The following PCDHA6 variants were observed in gnomAD, a reference collection of about 807,000 sequenced individuals.
PCDHA6 encodes the protein protocadherin alpha-6.
In PCDHA6, 55 loss-of-function variants were observed where a neutral mutation model predicts 60.3. The observed-to-expected ratio is 0.91, with a 90% CI of 0.73 to 1.14. PCDHA6 has a LOEUF of 1.14. Among genes scored for constraint, PCDHA6 ranks in the 50% most tolerant of loss-of-function variants. The probability of loss-of-function intolerance (pLI) is 0.00; values close to 1 mark genes in which losing one functional copy is unlikely to be tolerated. For missense variants in PCDHA6, 1,327 were observed against 1,256.5 expected (o/e 1.06, Z -0.85); for synonymous variants, 652 against 557.9 (o/e 1.17, Z -2.38).
At chr5:140,993,407 C>T (rs2097554546) in intron 3 of PCDHA6, among the ~76,000 whole-genome samples, 1 of 151,550 alleles carries the variant, frequency 6.6e-6, no homozygotes, top group African/African-American at 2.4e-5. Context: ...TAACCACCTT[C>T]ATCAGCATTT....
At position 140,857,034 on chromosome 5, in the gene PCDHA6, T is replaced by C. The variant is rs374158544; in HGVS notation, c.2394+26549T>C. On this transcript the variant is annotated intron_variant, in intron 1 of 3. Transcript: ENST00000529310. Reference sequence around the variant, plus strand: ...GTTACAGATAAGGGAAACCCACCTATGGTTGGTCACTGCACGGTCCTAGTG... The same window carrying C: ...GTTACAGATAAGGGAAACCCACCTACGGTTGGTCACTGCACGGTCCTAGTG... The C allele has an allele frequency of 5.6e-6, 9 of 1,595,714 alleles. No homozygotes were observed. The African/African-American group carries it at 8.1e-5, about 14-fold the overall frequency.
Position 140,885,214 on chromosome 5 carries a change from T to A in PCDHA6, c.2394+54729T>A, listed in dbSNP as rs550824585. On this transcript the variant is annotated intron_variant, in intron 1 of 3. Coordinates refer to ENST00000529310, the MANE Select transcript of PCDHA6 (RefSeq NM_018909.4). ...CCCCTCTCATATATCCCATGAAAAATATCTTGTGATTCTGCTTTCAATTTT... is the reference window on the plus strand; with the variant it reads ...CCCCTCTCATATATCCCATGAAAAAAATCTTGTGATTCTGCTTTCAATTTT... Among the ~76,000 whole-genome samples the A allele has an allele frequency of 2.8e-3, 423 of 152,168 alleles. 2 individuals carry two copies. The highest frequency in any genetic ancestry group is 0.014 in the Middle Eastern group (4 of 294).
At chr5:140,968,947 C>T (rs1342316299) in intron 1 of PCDHA6, 6 of 1,614,042 alleles carry the variant, frequency 3.7e-6, no homozygotes, top group Non-Finnish European at 5.1e-6. Context: ...TCATTTTGAG[C>T]ATCATCAAGT....
At chr5:140,880,693 T>C (rs2058435381) in intron 1 of PCDHA6, among the ~76,000 whole-genome samples, 1 of 152,222 alleles carries the variant, frequency 6.6e-6, no homozygotes. Context: ...TAGTCATGGT[T>C]AAGTGACAAT....
chr5:140,954,737 T>C (rs1208625491), intron 1 of PCDHA6, among the ~76,000 whole-genome samples: 38 of 152,210 alleles, frequency 2.5e-4, no homozygotes, highest in Non-Finnish European at 1.5e-5. Flanking sequence ...TTCACTCTGA[T>C]GATAGTTTCT....
At chr5:140,928,074 C>CT in intron 1 of PCDHA6, 1 of 1,614,216 alleles carries the variant, frequency 6.2e-7, no homozygotes, top group Non-Finnish European at 8.5e-7. Context: ...TTGACAACTA[C>CT]TACAGCCTGC....
Position 140,853,619 on chromosome 5 carries a change from G to C in PCDHA6, c.2394+23134G>C. 2.0e-6 allele frequency: 2 copies of C among 988,316 alleles called. 1 individual carries two copies. The allele number at this position is 988,316 out of a possible 1,614,324, so 61.2% of individuals were successfully genotyped here. A position where few individuals can be genotyped will look rare whatever the true frequency, so the allele number is the denominator to read the frequency against. ...AGAGCAAAGGGGGTGCTGTAAATAA[G>C]TATACAAGATCACAGACCTAAATTG... On this transcript the variant is annotated intron_variant, in intron 1 of 3. Transcript: ENST00000529310.
intron 2 of PCDHA6, among the ~76,000 whole-genome samples, chr5:140,979,661 GTCTC>G (rs2096859733): frequency 6.6e-6 from 1 of 152,146 alleles, no homozygotes; most frequent in South Asian, 2.1e-4. Context: ...TCTCTACTTT[GTCTC>G]TCTGACAGTA....
intron 1 of PCDHA6, among the ~76,000 whole-genome samples, chr5:140,949,802 A>G (rs974562597): frequency 1.3e-5 from 2 of 151,818 alleles, no homozygotes; most frequent in Admixed American, 6.6e-5. Flanking sequence ...CCTTCAATAC[A>G]TTATTTGCTT....
Position 140,843,095 on chromosome 5 carries a change from G to GC in PCDHA6, c.2394+12611dup. On this transcript the variant is annotated intron_variant, in intron 1 of 3. Coordinates refer to ENST00000529310, the MANE Select transcript of PCDHA6 (RefSeq NM_018909.4). ...GTCTGTGGGCGCGGGCCACGTGGTA[G>GC]CGAAGGTGCGCGCAGTGGACGCCGA... is the stretch of plus-strand genomic sequence containing the variant. The GC allele has an allele frequency of 4.4e-6, 7 of 1,595,672 alleles. 2 individuals are homozygous for GC. The highest frequency in any genetic ancestry group is 6.0e-6 in the Non-Finnish European group (7 of 1,165,442).
chr5:140,878,517 G>T (rs2153361711), intron 1 of PCDHA6, among the ~76,000 whole-genome samples: 1 of 152,246 alleles, frequency 6.6e-6, no homozygotes, highest in African/African-American at 2.4e-5. Context: ...AGTACAGTTG[G>T]TAACCAACTG....
intron 3 of PCDHA6, among the ~76,000 whole-genome samples, chr5:141,005,544 A>G (rs1197838847): frequency 6.6e-6 from 1 of 151,492 alleles, no homozygotes; most frequent in Non-Finnish European, 1.5e-5. Flanking sequence ...TCTACTAAAA[A>G]TACAAAAATT....
intron 1 of PCDHA6, chr5:140,870,277 G>C: frequency 6.2e-7 from 1 of 1,614,168 alleles, no homozygotes; most frequent in South Asian, 1.1e-5. Flanking sequence ...GACGCCCCAC[G>C]TTCCCTTCAA....
intron 3 of PCDHA6, among the ~76,000 whole-genome samples, chr5:140,995,791 T>C (rs547359105): frequency 1.3e-5 from 2 of 152,266 alleles, no homozygotes; most frequent in South Asian, 4.1e-4. Context: ...TTAAAATTTG[T>C]CTCATGTTAG....
rs781989346 is a variant in PCDHA6 at position 140,869,537 on chromosome 5, C to CT, written c.2394+39053dup. 1.6e-5 allele frequency: 26 copies of CT among 1,614,202 alleles called. 1 individual carries two copies. The highest frequency in any genetic ancestry group is 1.9e-5 in the Non-Finnish European group (23 of 1,180,050). ...GAACAAAAGCTGCTGATTGCGGAAT[C>CT]TAAGCAATCGGACTCGCGTTTTCCA... On this transcript the variant is annotated intron_variant, in intron 1 of 3. Coordinates refer to ENST00000529310, the MANE Select transcript of PCDHA6 (RefSeq NM_018909.4).
intron 1 of PCDHA6, chr5:140,860,091 C>A (rs1199656209): frequency 4.0e-5 from 6 of 150,914 alleles, no homozygotes; most frequent in African/African-American, 1.5e-4. Context: ...GAGTTCAAGA[C>A]CAACCTGGGC....
chr5:140,996,135 C>T (rs2097713564), intron 3 of PCDHA6, among the ~76,000 whole-genome samples: 1 of 152,140 alleles, frequency 6.6e-6, no homozygotes, highest in Non-Finnish European at 1.5e-5. Flanking sequence ...AGAGGGTTCT[C>T]CCATTATCTT....
At chr5:140,963,714 A>G (rs1554226741) in intron 1 of PCDHA6, among the ~76,000 whole-genome samples, 2 of 152,260 alleles carry the variant, frequency 1.3e-5, no homozygotes, top group Admixed American at 6.5e-5. Context: ...GCCATGCTAC[A>G]TATAGACTGC....
chr5:140,921,098 A>G (rs1007745080), intron 1 of PCDHA6, among the ~76,000 whole-genome samples: 2 of 151,708 alleles, frequency 1.3e-5, no homozygotes, highest in South Asian at 2.1e-4. Context: ...CTCCTGCCTC[A>G]GTCTCCTAAG....
Sources: gnomAD v4.1 joint callset for allele counts (sites outside exome capture counted in the v4.1 genomes callset) on GRCh38, gnomAD v4.1.1 for gene constraint, MANE v1.5 for transcripts, NCBI Gene and HGNC (gene_info 2026-07-23, HGNC 2026-07-21) for gene names.